Variants in SDC3 observed in about 807,000 individuals in gnomAD.
SDC3 encodes syndecan 3.
SDC3 carries 13 observed loss-of-function variants against 24.4 expected under a neutral mutation model. That is an observed-to-expected ratio of 0.53 (90% CI 0.35 to 0.85). The LOEUF is 0.85. SDC3 is among the 40% of genes least tolerant of loss of function. SDC3 has a pLI of 0.01. For missense variants in SDC3, 571 were observed against 584.5 expected, an observed-to-expected ratio of 0.98 and a Z score of 0.24; for synonymous variants, 295 against 260.9, an observed-to-expected ratio of 1.13 and a Z score of -1.26.
rs948221741 is a variant in SDC3, at chr1:30,869,838, C to G, written c.*3373G>C. The G allele has an allele frequency of 2.5e-6, 1 of 398,500 alleles. No homozygotes were observed. 24.7% of individuals were successfully genotyped at this position (398,500 alleles called of 1,614,324 possible). A position where few individuals can be genotyped will look rare whatever the true frequency, so the allele number is the denominator to read the frequency against. ...AGGGAGGGACACTGTCTTCAGGGGG[C>G]TCTCTGGAGCCACGCTGCCTACGAA... On this transcript the variant is annotated 3_prime_UTR_variant, in exon 5 of 5. Coordinates refer to ENST00000339394, the MANE Select transcript of SDC3 (RefSeq NM_014654.4).
rs769749049 is a variant in SDC3 at position 30,874,490 on chromosome 1, C to T, written c.969G>A (p.Glu323=). Reference sequence around the variant, plus strand: ...CATTGGCTGTGTCTGGTTGTGTGGTCTCTTCTTCTGGCAGCTCGAAGTCTC... The same window carrying T: ...CATTGGCTGTGTCTGGTTGTGTGGTTTCTTCTTCTGGCAGCTCGAAGTCTC... The part of the protein sequence containing the change: ...PSGDFELPEE[E]TTQPDTANEV... The change falls in exon 4 of 5, where the codon GAG becomes GAA. Residue 323 remains glutamate (E), a synonymous_variant. Transcript: ENST00000339394. The T allele has an allele frequency of 1.2e-6, 2 of 1,614,172 alleles. No individual in the cohort carries two copies. The highest frequency in any genetic ancestry group is 4.5e-5 in the East Asian group (2 of 44,872).
rs1490532318 is a variant in SDC3, at chr1:30,869,556, A to AC, written c.*3654_*3655insG. On this transcript the variant is annotated 3_prime_UTR_variant, in exon 5 of 5. Transcript: ENST00000339394. ...ACAAACAAAAAAAAAAAAAAAAAAAAAAAAACAAAAACAAAACCAGTTCCT... is the reference window on the plus strand; with the variant it reads ...ACAAACAAAAAAAAAAAAAAAAAAAACAAAAACAAAAACAAAACCAGTTCCT... 39,097 of 349,428 alleles carry AC rather than the reference A, an allele frequency of 0.11. 1,470 individuals are homozygous for AC. The highest frequency in any genetic ancestry group is 0.21 in the African/African-American group (8,511 of 40,138). The allele number at this position is 349,428 out of a possible 1,614,324, so 21.6% of individuals were successfully genotyped here.
chr1:30,906,977 C>G (rs1282154758), intron 1 of SDC3, among the ~76,000 whole-genome samples: 1 of 152,188 alleles, frequency 6.6e-6, no homozygotes, highest in Non-Finnish European at 1.5e-5. Context: ...AACACTTCCC[C>G]TCCCTCCAGC....
intron 1 of SDC3, among the ~76,000 whole-genome samples, chr1:30,899,245 C>T (rs1403923120): frequency 6.6e-6 from 1 of 152,138 alleles, no homozygotes; most frequent in African/African-American, 2.4e-5. Flanking sequence ...CACCACCATG[C>T]CCAGCTAATT....
intron 1 of SDC3, among the ~76,000 whole-genome samples, chr1:30,893,219 G>C (rs1639931755): frequency 6.7e-6 from 1 of 149,710 alleles, no homozygotes; most frequent in Non-Finnish European, 1.5e-5. Context: ...GCCCCAGGCA[G>C]TGTGGAATGT....
At position 30,874,577 on chromosome 1, in the gene SDC3, T is replaced by C; in HGVS notation, c.882A>G (p.Pro294=). The C allele has an allele frequency of 1.9e-6, 3 of 1,614,032 alleles. No homozygotes were observed. Among genetic ancestry groups the C allele is most frequent in the Non-Finnish European group, 2.5e-6 (3 of 1,179,934 alleles). Residue 294 remains proline (P), a synonymous_variant, in exon 4 of 5, where the codon CCA becomes CCG. Coordinates refer to ENST00000339394, the MANE Select transcript of SDC3 (RefSeq NM_014654.4). ...GPTEVAQTPT[P]ETFLTTIRDE... The stretch of plus-strand genomic sequence containing the variant: ...CCCGGATTGTGGTCAGGAAGGTCTC[T>C]GGAGTTGGGGTCTGCAGAGAGGGTG...
In SDC3 at chr1:30,895,774, A is replaced by C. The variant is rs372846306; in HGVS notation, c.138+12675T>G. On this transcript the variant is annotated intron_variant, in intron 1 of 4. Transcript: ENST00000339394. The stretch of plus-strand genomic sequence containing the variant: ...GCCCTGGTGGGTCACAGCCAGGGAC[A>C]TGGGAGGTTCCAACCAGCCAGGGAG... Among the ~76,000 whole-genome samples, 878 of 148,472 alleles carry C rather than the reference A, an allele frequency of 5.9e-3. 8 individuals carry two copies. Among genetic ancestry groups the C allele is most frequent in the African/African-American group, 0.02 (825 of 40,874 alleles).
chr1:30,896,966 A>T (rs1199657988), intron 1 of SDC3, among the ~76,000 whole-genome samples: 2 of 152,180 alleles, frequency 1.3e-5, no homozygotes, highest in Non-Finnish European at 1.5e-5. Context: ...CCATGCCAAA[A>T]ACAAAAAAAC....
chr1:30,886,499 C>T (rs531412741), intron 1 of SDC3, among the ~76,000 whole-genome samples: 6 of 152,292 alleles, frequency 3.9e-5, no homozygotes, highest in African/African-American at 1.2e-4. Flanking sequence ...CTAACAGGCC[C>T]TTCCACTGGA....
chr1:30,884,059 G>A (rs749966967), intron 1 of SDC3, among the ~76,000 whole-genome samples: 7 of 152,098 alleles, frequency 4.6e-5, no homozygotes, highest in African/African-American at 9.7e-5. Flanking sequence ...ATTGGGAGCC[G>A]GGACCAGGAG....
rs77754414 is a variant in SDC3, at chr1:30,874,148, G to A, written c.1162+149C>T. On this transcript the variant is annotated intron_variant, in intron 4 of 4. Coordinates refer to ENST00000339394, the MANE Select transcript of SDC3 (RefSeq NM_014654.4). ...GGAGCCAGAAGGCAGGTCCTGGGGGGTTGAGTTCTCAAGTTTCCTTCCTAT... is the reference window on the plus strand; with the variant it reads ...GGAGCCAGAAGGCAGGTCCTGGGGGATTGAGTTCTCAAGTTTCCTTCCTAT... 1,543 of 641,694 alleles carry A rather than the reference G, an allele frequency of 2.4e-3. 15 individuals are homozygous for A. The African/African-American group carries it at 0.026, about 11-fold the overall frequency. The allele number at this position is 641,694 out of a possible 1,614,324, so 39.8% of individuals were successfully genotyped here. A position where few individuals can be genotyped will look rare whatever the true frequency, so the allele number is the denominator to read the frequency against.
chr1:30,878,386 T>A, intron 2 of SDC3: 1 of 470,302 alleles, frequency 2.1e-6, no homozygotes. Flanking sequence ...GATGCAGACG[T>A]GGGACCCTGG....
At position 30,899,687 on chromosome 1, in the gene SDC3, A is replaced by G. The variant is rs540224125; in HGVS notation, c.138+8762T>C. 4.1e-4 allele frequency among the ~76,000 whole-genome samples: 62 copies of G among 152,298 alleles called. 1 individual carries two copies. The highest frequency in any genetic ancestry group is 1.5e-3 in the African/African-American group (62 of 41,562). On this transcript the variant is annotated intron_variant, in intron 1 of 4. Coordinates refer to ENST00000339394, the MANE Select transcript of SDC3 (RefSeq NM_014654.4). ...GCCCAGCCAAAATCCACCCACTTCT[A>G]ATGGCAGAGCTGGGGCTCAGCCTGT...
intron 1 of SDC3, among the ~76,000 whole-genome samples, chr1:30,887,475 T>C (rs1639846652): frequency 6.6e-6 from 1 of 152,088 alleles, no homozygotes; most frequent in Non-Finnish European, 1.5e-5. Context: ...TGATAGGCAG[T>C]TAGTAGGCAC....
At chr1:30,901,812 GA>G (rs5773327) in intron 1 of SDC3, among the ~76,000 whole-genome samples, 109,386 of 152,002 alleles carry the variant, frequency 0.72, 39,607 homozygotes, top group East Asian at 0.89. Context: ...CAGGTGAATG[GA>G]AAAAAAACAA....
At chr1:30,907,654 C>G (rs1243397855) in intron 1 of SDC3, among the ~76,000 whole-genome samples, 1 of 152,200 alleles carries the variant, frequency 6.6e-6, no homozygotes, top group East Asian at 1.9e-4. Flanking sequence ...CGACCACGGA[C>G]GGGAGGGCAC....
In SDC3 at chr1:30,894,576, ATG is replaced by A. The variant is rs1290779050; in HGVS notation, c.138+13871_138+13872del. Among the ~76,000 whole-genome samples the A allele has an allele frequency of 5.6e-5, 6 of 107,506 alleles. No homozygotes were observed. In the South Asian group the frequency reaches 1.3e-3, roughly 23 times the overall value. The allele number at this position is 107,506 out of a possible 152,430, so 70.5% of individuals were successfully genotyped here. A position where few individuals can be genotyped will look rare whatever the true frequency, so the allele number is the denominator to read the frequency against. On this transcript the variant is annotated intron_variant, in intron 1 of 4. Transcript: ENST00000339394. Reference sequence around the variant, plus strand: ...TGTGTGGGTGAGAGTGTGTGGGTGTATGTGTGGGCTACGTGTGTGTGGGTGTG... The same window carrying A: ...TGTGTGGGTGAGAGTGTGTGGGTGTATGTGGGCTACGTGTGTGTGGGTGTG...
chr1:30,905,356 A>AAC (rs74721441), intron 1 of SDC3, among the ~76,000 whole-genome samples: 5,090 of 77,178 alleles, frequency 0.066, 322 homozygotes, highest in African/African-American at 0.17. Flanking sequence ...CTCTCTCACA[A>AAC]ACACACACAC....
intron 1 of SDC3, among the ~76,000 whole-genome samples, chr1:30,892,683 A>G (rs960560541): frequency 3.3e-5 from 5 of 152,198 alleles, no homozygotes; most frequent in African/African-American, 1.2e-4. Context: ...CCCAACATTT[A>G]CCATGACTAG....
Sources: allele counts gnomAD v4.1 joint callset (sites outside exome capture counted in the v4.1 genomes callset), GRCh38; gene constraint gnomAD v4.1.1; transcripts MANE v1.5; gene names NCBI Gene and HGNC (gene_info 2026-07-23, HGNC 2026-07-21).